SNTG2: variants seen among roughly 807,000 people sequenced by gnomAD.
SNTG2 encodes the protein gamma-2-syntrophin.
In SNTG2, 74 loss-of-function variants were observed where a neutral mutation model predicts 70.9. The ratio of observed to expected loss-of-function variants is 1.04; its 90% CI spans 0.86 to 1.27. The LOEUF is 1.27. SNTG2 is among the 50% of genes most tolerant of loss of function. The pLI, the probability that SNTG2 is intolerant of heterozygous loss-of-function variation, is 0.00. For missense variants in SNTG2, 717 were observed against 690.7 expected, an observed-to-expected ratio of 1.04 and a Z score of -0.43; for synonymous variants, 278 against 273.8, an observed-to-expected ratio of 1.02 and a Z score of -0.15.
chr2:1,131,616 G>A (rs539466509), intron 4 of SNTG2, among the ~76,000 whole-genome samples: 1 of 151,530 alleles, frequency 6.6e-6, no homozygotes, highest in Non-Finnish European at 1.5e-5. Flanking sequence ...TGAGGGTCCC[G>A]TTTAACCTGT....
At chr2:1,349,980 T>C (rs1291137220) in intron 16 of SNTG2, among the ~76,000 whole-genome samples, 1 of 152,212 alleles carries the variant, frequency 6.6e-6, no homozygotes, top group African/African-American at 2.4e-5. Flanking sequence ...AATTATAAGC[T>C]TTTTGGAGGG....
At chr2:1,273,025 G>A (rs571354879) in intron 14 of SNTG2, among the ~76,000 whole-genome samples, 4 of 152,270 alleles carry the variant, frequency 2.6e-5, no homozygotes, top group African/African-American at 7.2e-5. Context: ...CACCATCACC[G>A]CGCAGTGGGT....
chr2:1,239,005 C>A (rs1363665830), intron 10 of SNTG2, among the ~76,000 whole-genome samples: 2 of 152,198 alleles, frequency 1.3e-5, no homozygotes. Flanking sequence ...TCAGGGGCTT[C>A]CTTTCTGCAA....
chr2:1,240,537 G>A (rs1040657524), intron 11 of SNTG2, among the ~76,000 whole-genome samples: 10 of 152,144 alleles, frequency 6.6e-5, no homozygotes, highest in Non-Finnish European at 8.8e-5. Context: ...TCTTAGGGGC[G>A]TAAGGAAGCA....
At chr2:1,355,306 T>C (rs1460327526) in intron 16 of SNTG2, among the ~76,000 whole-genome samples, 2 of 152,202 alleles carry the variant, frequency 1.3e-5, no homozygotes, top group African/African-American at 4.8e-5. Context: ...TGCGCCCCTT[T>C]ATCTCACATG....
At chr2:1,003,259 A>G (rs1659465469) in intron 1 of SNTG2, among the ~76,000 whole-genome samples, 1 of 152,216 alleles carries the variant, frequency 6.6e-6, no homozygotes, top group Non-Finnish European at 1.5e-5. Flanking sequence ...TCAAAAAGAA[A>G]AAAATAATGG....
rs193222790 is a variant in SNTG2, at chr2:951,403, C to G, written c.72+335C>G. Among the ~76,000 whole-genome samples, 289 of 152,330 alleles carry G rather than the reference C, an allele frequency of 1.9e-3. 2 individuals are homozygous for G. Among genetic ancestry groups the G allele is most frequent in the African/African-American group, 6.6e-3 (275 of 41,572 alleles). On this transcript the variant is annotated intron_variant, in intron 1 of 16. Transcript: ENST00000308624. ...CAGAATTTGGGATTTGAGATTGGCCCGGCATTGCTTCCCAGGAGCGGCTCT... is the reference window on the plus strand; with the variant it reads ...CAGAATTTGGGATTTGAGATTGGCCGGGCATTGCTTCCCAGGAGCGGCTCT...
At chr2:1,066,939 C>G (rs1475664434) in intron 1 of SNTG2, among the ~76,000 whole-genome samples, 1 of 152,160 alleles carries the variant, frequency 6.6e-6, no homozygotes, top group African/African-American at 2.4e-5. Context: ...CTCATCTCCT[C>G]TGCAAAACTT....
At chr2:1,290,073 G>A (rs898533403) in intron 14 of SNTG2, among the ~76,000 whole-genome samples, 1 of 152,096 alleles carries the variant, frequency 6.6e-6, no homozygotes, top group Non-Finnish European at 1.5e-5. Context: ...GGGCTGCTGG[G>A]AATAATGTTG....
chr2:1,223,829 A>T (rs1284913975), intron 9 of SNTG2, among the ~76,000 whole-genome samples: 1 of 134,302 alleles, frequency 7.4e-6, no homozygotes, highest in African/African-American at 2.6e-5. Flanking sequence ...CCAGTTCCAC[A>T]GATGGGTGAC....
intron 1 of SNTG2, chr2:1,068,300 T>C (rs964657749): frequency 6.6e-6 from 1 of 152,124 alleles, no homozygotes; most frequent in Non-Finnish European, 1.5e-5. Flanking sequence ...TTCAAGCAGA[T>C]ATAGATAGAA....
chr2:983,021 T>C (rs1419358672), intron 1 of SNTG2, among the ~76,000 whole-genome samples: 1 of 147,828 alleles, frequency 6.8e-6, no homozygotes, highest in Non-Finnish European at 1.5e-5. Flanking sequence ...GCTGCAGAGG[T>C]GATGTCAGGA....
At position 1,098,345 on chromosome 2, in the gene SNTG2, T is replaced by A; in HGVS notation, c.268-8T>A. The A allele has an allele frequency of 6.2e-7, 1 of 1,614,036 alleles. No individual in the cohort carries two copies. The highest frequency in any genetic ancestry group is 8.5e-7 in the Non-Finnish European group (1 of 1,179,894). On this transcript the variant is annotated splice_region_variant and splice_polypyrimidine_tract_variant and intron_variant, in intron 3 of 16. Transcript: ENST00000308624. ...ACCACGTTTCTTTCTGATGGCTTTGTCTTTCAGGGAGGTTCTGAGCACAAC... is the reference window on the plus strand; with the variant it reads ...ACCACGTTTCTTTCTGATGGCTTTGACTTTCAGGGAGGTTCTGAGCACAAC...
chr2:1,250,604 C>T (rs1364590585), intron 12 of SNTG2, among the ~76,000 whole-genome samples: 3 of 151,520 alleles, frequency 2.0e-5, no homozygotes, highest in African/African-American at 7.3e-5. Context: ...CTCTGTCTGA[C>T]TCTATTTCTC....
At chr2:1,239,800 A>G in intron 11 of SNTG2, 24 bp downstream of exon 11, 1 of 1,609,486 alleles carries the variant, frequency 6.2e-7, no homozygotes, top group Non-Finnish European at 8.5e-7. Flanking sequence ...TTTCTGCTTC[A>G]TGATGTAACA....
intron 1 of SNTG2, among the ~76,000 whole-genome samples, chr2:1,021,776 T>TTTA (rs149610865): frequency 6.6e-6 from 1 of 151,528 alleles, no homozygotes; most frequent in Non-Finnish European, 1.5e-5. Flanking sequence ...CATGCCCGGA[T>TTTA]TTATTATTAT....
At chr2:1,017,089 T>C (rs1572225764) in intron 1 of SNTG2, among the ~76,000 whole-genome samples, 1 of 152,148 alleles carries the variant, frequency 6.6e-6, no homozygotes, top group African/African-American at 2.4e-5. Flanking sequence ...CTTGTGGCAG[T>C]GAGTATACGG....
intron 15 of SNTG2, among the ~76,000 whole-genome samples, chr2:1,313,680 G>A (rs577324630): frequency 3.9e-5 from 6 of 152,244 alleles, no homozygotes; most frequent in Admixed American, 2.6e-4. Flanking sequence ...TGGAAGGGAC[G>A]ATTATGAGAG....
intron 1 of SNTG2, among the ~76,000 whole-genome samples, chr2:983,566 T>C (rs894706111): frequency 1.3e-5 from 2 of 152,230 alleles, no homozygotes; most frequent in African/African-American, 2.4e-5. Flanking sequence ...CTCTCCGCCC[T>C]GGGGCCAGAA....
Sources: gnomAD v4.1 joint callset for allele counts (sites outside exome capture counted in the v4.1 genomes callset) on GRCh38, gnomAD v4.1.1 for gene constraint, MANE v1.5 for transcripts, NCBI Gene and HGNC (gene_info 2026-07-23, HGNC 2026-07-21) for gene names.